The following CEACAM21 variants were observed in gnomAD, a reference collection of about 807,000 sequenced individuals.
CEACAM21 encodes the protein cell adhesion molecule CEACAM21.
CEACAM21 carries 38 observed loss-of-function variants against 33.2 expected under a neutral mutation model. That is an observed-to-expected ratio of 1.14 (90% CI 0.88 to 1.50). The LOEUF (loss-of-function observed/expected upper bound fraction) is 1.50. Ranked by LOEUF, CEACAM21 falls within the 40% of genes most tolerant of loss-of-function variation. The pLI is 0.00. For missense variants in CEACAM21, 385 were observed against 364.6 expected (o/e 1.06, Z -0.46); for synonymous variants, 156 against 143.0 (o/e 1.09, Z -0.65).
chr19:41,577,390 C>A lies in CEACAM21; in HGVS notation c.255C>A (p.Asp85Glu). Reference protein sequence around the residue: ...PNQLIAAYVIDTHVRTPGPAY... With the variant: ...PNQLIAAYVIETHVRTPGPAY... ...AGCTAATCGCAGCATATGTAATAGA[C>A]ACTCACGTTAGGACTCCAGGGCCTG... The change falls in exon 2 of 7, where the codon GAC becomes GAA. Residue 85 changes from aspartate (D) to glutamate (E), a missense_variant. Coordinates refer to ENST00000401445, the MANE Select transcript of CEACAM21 (RefSeq NM_001098506.4). 1 of 1,614,108 alleles carries A rather than the reference C, an allele frequency of 6.2e-7. No individual in the cohort carries two copies.
In CEACAM21 at chr19:41,577,364, C is replaced by G. The variant is rs1555791592; in HGVS notation, c.229C>G (p.Gln77Glu). Residue 77 changes from glutamine to glutamate, a missense_variant, in exon 2 of 7, where the codon CAG becomes GAG. Gln to Glu is a conservative substitution (Grantham distance 29). Transcript: ENST00000401445. ...WYKGKTVEPN[Q>E]LIAAYVIDTH... ...CAAAGGGAAAACGGTGGAGCCCAAC[C>G]AGCTAATCGCAGCATATGTAATAGA... The G allele has an allele frequency of 1.2e-6, 2 of 1,613,514 alleles. No homozygotes were observed. Among genetic ancestry groups the G allele is most frequent in the Middle Eastern group, 3.3e-4 (2 of 6,062 alleles).
At chr19:41,576,051 G>A (rs1555790887), upstream of CEACAM21, 3 of 589,278 alleles carry the variant, frequency 5.1e-6, no homozygotes, top group East Asian at 8.8e-5. Context: ...AAAGGAAGGA[G>A]AAAGGAGGGA....
At chr19:41,559,476 G>T (rs972007619) in intron 1 of CEACAM21, among the ~76,000 whole-genome samples, 23 of 152,134 alleles carry the variant, frequency 1.5e-4, no homozygotes, top group African/African-American at 4.1e-4. Flanking sequence ...TTTAAAAGAG[G>T]TGGTAATTCA....
rs2005606 is a variant in CEACAM21, at chr19:41,586,759, T to C, written c.*296T>C. On this transcript the variant is annotated 3_prime_UTR_variant, in exon 7 of 7. Coordinates refer to ENST00000401445, the MANE Select transcript of CEACAM21 (RefSeq NM_001098506.4). ...GAAGGCTTCCCATCACCACAGGAAG[T>C]GGGGGCTTGCAGGGAAAGTGAATGG... 121,252 of 350,760 alleles carry C rather than the reference T, an allele frequency of 0.35. 27,640 individuals carry two copies. The highest frequency in any genetic ancestry group is 0.81 in the African/African-American group (37,840 of 46,772). 21.7% of individuals were successfully genotyped at this position (350,760 alleles called of 1,614,324 possible). A position where few individuals can be genotyped will look rare whatever the true frequency, so the allele number is the denominator to read the frequency against.
intron 6 of CEACAM21, 46 bp downstream of exon 6, chr19:41,585,917 G>T: frequency 8.8e-6 from 14 of 1,596,896 alleles, no homozygotes; most frequent in Non-Finnish European, 1.2e-5. Flanking sequence ...GGCCCCAGCT[G>T]TGCAGGCTCA....
At chr19:41,550,720 C>A (rs1289073913) in intron 1 of CEACAM21, 1 of 151,964 alleles carries the variant, frequency 6.6e-6, no homozygotes, top group African/African-American at 2.4e-5. Flanking sequence ...AATAGTGTGC[C>A]CAGATCGCAC....
intron 2 of CEACAM21, among the ~76,000 whole-genome samples, chr19:41,570,290 A>G (rs1555789198): frequency 6.6e-6 from 1 of 152,138 alleles, no homozygotes; most frequent in Non-Finnish European, 1.5e-5. Context: ...ATGTTTCAGG[A>G]AAAAGGCTGG....
At chr19:41,579,679 AGG>A (rs1362924981) in intron 3 of CEACAM21, 51 bp downstream of exon 3, 77 of 1,290,694 alleles carry the variant, frequency 6.0e-5, no homozygotes, top group Non-Finnish European at 7.0e-5. Flanking sequence ...TTTTCCTAGG[AGG>A]GAGGGGGGGT....
At chr19:41,577,590 G>C in intron 2 of CEACAM21, 31 bp downstream of exon 2, 1 of 1,609,660 alleles carries the variant, frequency 6.2e-7, no homozygotes, top group Non-Finnish European at 8.5e-7. Context: ...TCTGGGTGTT[G>C]GGGGTCAGTT....
At chr19:41,578,166 C>T (rs2043094190) in intron 2 of CEACAM21, among the ~76,000 whole-genome samples, 1 of 152,202 alleles carries the variant, frequency 6.6e-6, no homozygotes, top group Non-Finnish European at 1.5e-5. Flanking sequence ...GACAGACAAA[C>T]AAACTTCCCA....
intron 4 of CEACAM21, 32 bp downstream of exon 4, chr19:41,584,475 C>T: frequency 6.4e-7 from 1 of 1,565,812 alleles, no homozygotes; most frequent in Non-Finnish European, 8.7e-7. Flanking sequence ...CTGCTCCCAT[C>T]CTTCACGCTG....
chr19:41,580,759 GATTGATTTAATCATTGGCCATTA>G (rs2043316387), intron 3 of CEACAM21, among the ~76,000 whole-genome samples: 1 of 152,136 alleles, frequency 6.6e-6, no homozygotes, highest in Non-Finnish European at 1.5e-5. Context: ...ACATAGATAT[GATTGATTTAATCATTGGCCATTA>G]ATTGATTCAA....
rs916202184 is a variant in CEACAM21 at position 41,585,724 on chromosome 19, A to T, written c.851-116A>T. 1.9e-5 allele frequency: 23 copies of T among 1,196,410 alleles called. No individual in the cohort carries two copies. The African/African-American group carries it at 3.2e-4, about 17-fold the overall frequency. The allele number at this position is 1,196,410 out of a possible 1,614,324, so 74.1% of individuals were successfully genotyped here. ...ACTTGCTTACTTGACCCCTAAAATA[A>T]CCTGAGAAAGGCTCCCTCTCCCCAA... is the stretch of plus-strand genomic sequence containing the variant. On this transcript the variant is annotated intron_variant, in intron 5 of 6. Transcript: ENST00000401445.
intron 1 of CEACAM21, among the ~76,000 whole-genome samples, chr19:41,549,904 AAT>A (rs1248192499): frequency 6.6e-6 from 1 of 152,104 alleles, no homozygotes; most frequent in Non-Finnish European, 1.5e-5. Flanking sequence ...TCCGGAAAAA[AAT>A]ATGTTTTCCA....
intron 2 of CEACAM21, among the ~76,000 whole-genome samples, chr19:41,578,426 C>T (rs985077611): frequency 1.3e-5 from 2 of 151,980 alleles, no homozygotes; most frequent in Admixed American, 6.6e-5. Flanking sequence ...GATGGCAAGC[C>T]AGGGACCATT....
chr19:41,577,494 A>G lies in CEACAM21; in HGVS notation c.359A>G (p.Tyr120Cys), dbSNP rs782585931. Residue 120 changes from tyrosine (Y) to cysteine (C), a missense_variant, in exon 2 of 7, where the codon TAC (tyrosine) becomes TGC (cysteine). Transcript: ENST00000401445. ...QNVTLEDTGY[Y>C]NLQVTYRNSQ... ...GTCACCCTAGAGGACACGGGATACT[A>G]CAACCTACAAGTCACATACAGAAAT... 6 of 1,613,956 alleles carry G rather than the reference A, an allele frequency of 3.7e-6. No individual in the cohort carries two copies. Among genetic ancestry groups the G allele is most frequent in the Non-Finnish European group, 4.2e-6 (5 of 1,180,018 alleles).
chr19:41,570,328 A>C (rs1555789208), intron 2 of CEACAM21, among the ~76,000 whole-genome samples: 1 of 152,106 alleles, frequency 6.6e-6, no homozygotes, highest in African/African-American at 2.4e-5. Flanking sequence ...TGTCGCTCCT[A>C]ATATGGCTGG....
intron 1 of CEACAM21, among the ~76,000 whole-genome samples, chr19:41,560,016 A>ACAAAG (rs782181017): frequency 2.0e-5 from 3 of 152,246 alleles, no homozygotes; most frequent in Non-Finnish European, 4.4e-5. Flanking sequence ...ACAAAACAAA[A>ACAAAG]CAAAAAGCAT....
chr19:41,562,009 G>A (rs1442945482), intron 1 of CEACAM21, among the ~76,000 whole-genome samples: 1 of 152,226 alleles, frequency 6.6e-6, no homozygotes, highest in Admixed American at 6.5e-5. Flanking sequence ...ACTTTGGGAG[G>A]CCAAAGAGGG....
Sources: allele counts gnomAD v4.1 joint callset (sites outside exome capture counted in the v4.1 genomes callset), GRCh38; gene constraint gnomAD v4.1.1; transcripts MANE v1.5; gene names NCBI Gene and HGNC (gene_info 2026-07-23, HGNC 2026-07-21).